RIBC2: variants seen among roughly 807,000 people sequenced by gnomAD.
RIBC2 encodes RIB43A-like with coiled-coils protein 2.
A neutral mutation model predicts 44.3 loss-of-function variants in RIBC2; 40 were observed. The ratio of observed to expected loss-of-function variants is 0.90; its 90% CI spans 0.70 to 1.18. The LOEUF is 1.18. Ranked by LOEUF, RIBC2 falls within the 50% of genes most tolerant of loss-of-function variation. The pLI is 0.00. For synonymous variants in RIBC2, 171 were observed against 175.0 expected (o/e 0.98, Z 0.18); for missense variants, 459 against 485.5 (o/e 0.95, Z 0.51).
chr22:45,417,649 C>A lies in RIBC2; in HGVS notation c.259C>A (p.Arg87=). The change falls in exon 3 of 7, where the codon CGG becomes AGG. Residue 87 remains arginine, a synonymous_variant. Coordinates refer to ENST00000614167, the MANE Select transcript of RIBC2 (RefSeq NM_015653.5). The part of the protein sequence containing the change: ...NDKIMCILEN[R]KKRDRKNLCR... ...CAAAATCATGTGCATATTGGAAAAC[C>A]GGAAAAAGAGGGATAGGAAAAATCT... The A allele has an allele frequency of 6.2e-7, 1 of 1,613,736 alleles. No homozygotes were observed. The highest frequency in any genetic ancestry group is 8.5e-7 in the Non-Finnish European group (1 of 1,179,838).
At chr22:45,429,298 G>A (rs1022092527) in intron 5 of RIBC2, among the ~76,000 whole-genome samples, 3 of 152,108 alleles carry the variant, frequency 2.0e-5, no homozygotes, top group Non-Finnish European at 2.9e-5. Flanking sequence ...AGGTGAAGCC[G>A]GGACTAGATC....
chr22:45,428,834 GGTCTGGGTCACCCCATA>G (rs372292136), intron 5 of RIBC2, among the ~76,000 whole-genome samples: 280 of 152,232 alleles, frequency 1.8e-3, no homozygotes, highest in African/African-American at 5.8e-3. Context: ...TCACCCCATA[GGTCTGGGTCACCCCATA>G]GTCTGGGTCA....
chr22:45,421,473 C>T (rs1025211165), intron 3 of RIBC2, among the ~76,000 whole-genome samples: 2 of 144,588 alleles, frequency 1.4e-5, no homozygotes, highest in Admixed American at 1.4e-4. Context: ...GTCTAATGCA[C>T]TTGGATGTCT....
intron 6 of RIBC2, among the ~76,000 whole-genome samples, chr22:45,432,037 C>G (rs986157578): frequency 6.6e-6 from 1 of 152,140 alleles, no homozygotes; most frequent in Non-Finnish European, 1.5e-5. Flanking sequence ...ATTTAATTTT[C>G]TTATGTCCCC....
chr22:45,424,714 C>G (rs1186617041), intron 4 of RIBC2, among the ~76,000 whole-genome samples: 1 of 150,970 alleles, frequency 6.6e-6, no homozygotes, highest in East Asian at 1.9e-4. Flanking sequence ...GGCTTCCTCC[C>G]AGGAGCAGTA....
intron 4 of RIBC2, among the ~76,000 whole-genome samples, chr22:45,423,879 C>A (rs2087509168): frequency 6.6e-6 from 1 of 152,156 alleles, no homozygotes; most frequent in Non-Finnish European, 1.5e-5. Flanking sequence ...ATGTGGGGCC[C>A]TTGACAATTA....
chr22:45,430,635 G>A (rs1459262269), intron 5 of RIBC2, among the ~76,000 whole-genome samples: 1 of 152,210 alleles, frequency 6.6e-6, no homozygotes. Context: ...AGTGGAGGCT[G>A]CTGTAGGAAT....
At chr22:45,420,753 C>T (rs760917958) in intron 3 of RIBC2, among the ~76,000 whole-genome samples, 6 of 152,206 alleles carry the variant, frequency 3.9e-5, no homozygotes, top group South Asian at 2.1e-4. Context: ...TTGAACTGTC[C>T]GCTTGTCCCC....
intron 4 of RIBC2, among the ~76,000 whole-genome samples, chr22:45,425,564 C>T (rs1293775731): frequency 1.3e-5 from 2 of 152,232 alleles, no homozygotes; most frequent in Admixed American, 6.5e-5. Flanking sequence ...CTCTGTTGAG[C>T]GTTCTTTGCA....
intron 3 of RIBC2, among the ~76,000 whole-genome samples, chr22:45,419,171 C>A (rs2087453733): frequency 6.6e-6 from 1 of 152,202 alleles, no homozygotes. Context: ...CATCATTTCC[C>A]AGGTTTATAC....
At position 45,418,057 on chromosome 22, in the gene RIBC2, C is replaced by T. The variant is rs1394010987; in HGVS notation, c.556+111C>T. 3 of 738,828 alleles carry T rather than the reference C, an allele frequency of 4.1e-6. No individual in the cohort carries two copies. The African/African-American group carries it at 5.4e-5, about 13-fold the overall frequency. The allele number at this position is 738,828 out of a possible 1,614,324, so 45.8% of individuals were successfully genotyped here. On this transcript the variant is annotated intron_variant, in intron 3 of 6. Coordinates refer to ENST00000614167, the MANE Select transcript of RIBC2 (RefSeq NM_015653.5). ...ACAGTTTTTTTTTTTTTTTAAGCAA[C>T]CCTACAGTTTTTGTGGGATTTGTTT...
chr22:45,419,115 C>T (rs1470363414), intron 3 of RIBC2, among the ~76,000 whole-genome samples: 1 of 152,218 alleles, frequency 6.6e-6, no homozygotes, highest in Non-Finnish European at 1.5e-5. Context: ...TAAACTCACC[C>T]GAGTGATCTT....
At chr22:45,416,525 G>A (rs766310481) in intron 2 of RIBC2, among the ~76,000 whole-genome samples, 4 of 152,082 alleles carry the variant, frequency 2.6e-5, no homozygotes, top group Admixed American at 6.5e-5. Context: ...TCAGTGGAGC[G>A]ATCTCGGCTC....
rs1226281042 is a variant in RIBC2 at position 45,432,260 on chromosome 22, T to C, written c.1071-24T>C. ...GGAAGTATACACATTTGCTGACCTT[T>C]TTTTTTTCTCATTTTGTTATCAGGA... On this transcript the variant is annotated intron_variant, in intron 6 of 6. Transcript: ENST00000614167. The C allele has an allele frequency of 2.2e-6, 3 of 1,386,612 alleles. No individual in the cohort carries two copies. In the African/African-American group the frequency reaches 4.4e-5, roughly 20 times the overall value. The allele number at this position is 1,386,612 out of a possible 1,614,324, so 85.9% of individuals were successfully genotyped here. A position where few individuals can be genotyped will look rare whatever the true frequency, so the allele number is the denominator to read the frequency against.
chr22:45,417,638 T>C lies in RIBC2; in HGVS notation c.248T>C (p.Ile83Thr), dbSNP rs1357781537. ...AGGCAAAATGACAAAATCATGTGCA[T>C]ATTGGAAAACCGGAAAAAGAGGGAT... ...EMRQNDKIMC[I>T]LENRKKRDRK... The change falls in exon 3 of 7, where the codon ATA (isoleucine) becomes ACA (threonine). Residue 83 changes from isoleucine to threonine, a missense_variant. Ile to Thr is a moderately conservative substitution (Grantham distance 89). Transcript: ENST00000614167. The C allele has an allele frequency of 6.2e-7, 1 of 1,613,680 alleles. No individual in the cohort carries two copies. Among genetic ancestry groups the C allele is most frequent in the African/African-American group, 1.3e-5 (1 of 75,030 alleles).
chr22:45,425,069 C>T (rs1005654815), intron 4 of RIBC2, among the ~76,000 whole-genome samples: 12 of 151,500 alleles, frequency 7.9e-5, no homozygotes, highest in East Asian at 5.8e-4. Context: ...TGCAGTGAGC[C>T]GAGATTGTGC....
rs2087589886 is a variant in RIBC2 at position 45,432,464 on chromosome 22, C to T, written c.*102C>T. 1.4e-6 allele frequency: 1 copy of T among 724,782 alleles called. No individual in the cohort carries two copies. Among genetic ancestry groups the T allele is most frequent in the Non-Finnish European group, 2.4e-6 (1 of 417,622 alleles). 44.9% of individuals were successfully genotyped at this position (724,782 alleles called of 1,614,324 possible). A position where few individuals can be genotyped will look rare whatever the true frequency, so the allele number is the denominator to read the frequency against. On this transcript the variant is annotated 3_prime_UTR_variant, in exon 7 of 7. Coordinates refer to ENST00000614167, the MANE Select transcript of RIBC2 (RefSeq NM_015653.5). ...ATACACTCCTTGGGCCACAAGTACCCTTCAGCTGTAATCGTCCACTGTGGA... is the reference window on the plus strand; with the variant it reads ...ATACACTCCTTGGGCCACAAGTACCTTTCAGCTGTAATCGTCCACTGTGGA...
intron 4 of RIBC2, 71 bp from the exon 5 acceptor site, chr22:45,425,877 T>C (rs2087528648): frequency 7.4e-7 from 1 of 1,348,822 alleles, no homozygotes; most frequent in South Asian, 1.3e-5. Flanking sequence ...CCAGTGAGAT[T>C]TGCTGGCCTG....
Position 45,413,838 on chromosome 22 carries a change from T to C in RIBC2, c.-49T>C, listed in dbSNP as rs1459675460. On this transcript the variant is annotated 5_prime_UTR_variant, in exon 1 of 7. Coordinates refer to ENST00000614167, the MANE Select transcript of RIBC2 (RefSeq NM_015653.5). ...CTGCGCTACAGCTTCCTTATTTTCG[T>C]CGCCTGTTCTCCTGATCCTGCGTGT... is the stretch of plus-strand genomic sequence containing the variant. The C allele has an allele frequency of 2.7e-6, 4 of 1,501,300 alleles. No homozygotes were observed. In the African/African-American group the frequency reaches 5.6e-5, roughly 21 times the overall value. The allele number at this position is 1,501,300 out of a possible 1,614,324, so 93.0% of individuals were successfully genotyped here.
Sources: allele counts gnomAD v4.1 joint callset (sites outside exome capture counted in the v4.1 genomes callset), GRCh38; gene constraint gnomAD v4.1.1; transcripts MANE v1.5; gene names NCBI Gene and HGNC (gene_info 2026-07-23, HGNC 2026-07-21).